SETD1B: variants seen among roughly 807,000 people sequenced by gnomAD.
SETD1B encodes the protein SET domain containing 1B, histone lysine methyltransferase.
A neutral mutation model predicts 148.0 loss-of-function variants in SETD1B; 7 were observed. That is an observed-to-expected ratio of 0.05 (90% CI 0.03 to 0.09). The LOEUF is 0.09. SETD1B is among the 10% of genes least tolerant of loss of function. The pLI, the probability that SETD1B is intolerant of heterozygous loss-of-function variation, is 1.00. For synonymous variants in SETD1B, 1,361 were observed against 1,186.5 expected (o/e 1.15, Z -3.02); for missense variants, 2,155 against 2,729.9 (o/e 0.79, Z 4.69).
rs781774369 is a variant in SETD1B at position 121,822,635 on chromosome 12, G to A, written c.4056G>A (p.Pro1352=). ...TTDASHPSVP[P]EPLAEDHPPH... ...ATGCCTCACACCCATCTGTCCCTCC[G>A]GAGCCCCTTGCCGAGGACCACCCCC... The change falls in exon 12 of 17, where the codon CCG becomes CCA. Residue 1352 remains proline, a synonymous_variant. Transcript: ENST00000604567. 15 of 1,551,046 alleles carry A rather than the reference G, an allele frequency of 9.7e-6. No homozygotes were observed. Among genetic ancestry groups the A allele is most frequent in the Admixed American group, 3.9e-5 (2 of 50,956 alleles).
At chr12:121,825,936 T>C (rs1393815420) in intron 13 of SETD1B, among the ~76,000 whole-genome samples, 1 of 152,158 alleles carries the variant, frequency 6.6e-6, no homozygotes, top group Non-Finnish European at 1.5e-5. Context: ...ATAAGCCACA[T>C]CGCATGGCCT....
At chr12:121,793,907 T>G in the SETD1B span, 1 of 327,670 alleles carries the variant, frequency 3.1e-6, no homozygotes. Context: ...ACCGCCACCC[T>G]CCGCGCGTCA....
rs1419969705 is a variant in SETD1B, at chr12:121,827,542, C to T, written c.5361C>T (p.Pro1787=). The T allele has an allele frequency of 6.5e-7, 1 of 1,545,808 alleles. No individual in the cohort carries two copies. The highest frequency in any genetic ancestry group is 2.4e-5 in the East Asian group (1 of 40,904). The part of the protein sequence containing the change: ...DTQGMSIPAQ[P]HASTRAGSER... Reference sequence around the variant, plus strand: ...AGGGCATGAGCATCCCAGCACAGCCCCACGCCTCCACCCGGGCAGGCTCGG... The same window carrying T: ...AGGGCATGAGCATCCCAGCACAGCCTCACGCCTCCACCCGGGCAGGCTCGG... Residue 1787 remains proline (P), a synonymous_variant, in exon 14 of 17, where the codon CCC becomes CCT. Transcript: ENST00000604567.
chr12:121,824,374 C>T (rs1007827513), intron 12 of SETD1B, among the ~76,000 whole-genome samples: 1 of 152,204 alleles, frequency 6.6e-6, no homozygotes, highest in Non-Finnish European at 1.5e-5. Context: ...GTGCCGGGCA[C>T]CATGGCTCAC....
At chr12:121,797,029 C>CAAAA in the SETD1B span, among the ~76,000 whole-genome samples, 2 of 98,184 alleles carry the variant, frequency 2.0e-5, no homozygotes, top group Non-Finnish European at 4.3e-5. Context: ...AACTCTGTCT[C>CAAAA]AAAAAAAAAA....
chr12:121,830,455 CT>C lies in SETD1B; in HGVS notation c.*217del. The C allele has an allele frequency of 4.0e-6, 2 of 497,888 alleles. No individual in the cohort carries two copies. Among genetic ancestry groups the C allele is most frequent in the Non-Finnish European group, 7.2e-6 (2 of 279,158 alleles). 30.8% of individuals were successfully genotyped at this position (497,888 alleles called of 1,614,324 possible). ...GGCTTCTCTGTCGTTCAGCCCACGT[CT>C]CTCTCATTTTAACAAACGCCCCTTT... On this transcript the variant is annotated 3_prime_UTR_variant, in exon 17 of 17. Transcript: ENST00000604567. The surrounding 1 kb of genome is among the most constrained non-coding windows in gnomAD (Gnocchi z 5.7).
chr12:121,814,185 C>G lies in SETD1B; in HGVS notation c.1970C>G (p.Pro657Arg). The change falls in exon 7 of 17, where the codon CCC becomes CGC. Residue 657 changes from proline to arginine, a missense_variant. Pro to Arg is a moderately radical substitution (Grantham distance 103, BLOSUM62 -2). Around this residue, in one of 11 missense-constraint regions of SETD1B, gnomAD observed 295 missense variants for 303.8 expected, o/e 0.97. Coordinates refer to ENST00000604567, the MANE Select transcript of SETD1B (RefSeq NM_001353345.2). ...PSAPITSADCPKPMVVTPGAA... is the reference protein window; with the variant it reads ...PSAPITSADCRKPMVVTPGAA... The stretch of plus-strand genomic sequence containing the variant: ...GCCCCCATCACCAGCGCTGACTGCC[C>G]CAAGCCCATGGTGGTGACCCCAGGA... The G allele has an allele frequency of 6.5e-7, 1 of 1,547,118 alleles. No individual in the cohort carries two copies. The highest frequency in any genetic ancestry group is 1.2e-5 in the South Asian group (1 of 83,932).
chr12:121,793,627 C>G, the SETD1B span: 1 of 1,540,396 alleles, frequency 6.5e-7, no homozygotes, highest in African/African-American at 1.4e-5. Context: ...GCCCCGGGGG[C>G]ATCCATTGCC....
Position 121,814,207 on chromosome 12 carries a change from A to G in SETD1B, c.1992A>G (p.Pro664=), listed in dbSNP as rs1262876455. 6.7e-7 allele frequency: 1 copy of G among 1,495,848 alleles called. No individual in the cohort carries two copies. Among genetic ancestry groups the G allele is most frequent in the Non-Finnish European group, 8.9e-7 (1 of 1,127,654 alleles). The allele number at this position is 1,495,848 out of a possible 1,614,324, so 92.7% of individuals were successfully genotyped here. ...GCCCCAAGCCCATGGTGGTGACCCC[A>G]GGAGCGGCAGCCGTGGCAGCCCCTT... ...ADCPKPMVVT[P]GAAAVAAPSV... Residue 664 remains proline (P), a synonymous_variant, in exon 7 of 17, where the codon CCA becomes CCG. Coordinates refer to ENST00000604567, the MANE Select transcript of SETD1B (RefSeq NM_001353345.2).
intron 12 of SETD1B, among the ~76,000 whole-genome samples, chr12:121,824,657 A>AAAAAAAAAC (rs1876754118): frequency 6.6e-6 from 1 of 150,910 alleles, no homozygotes. Flanking sequence ...AAAAAAAAAA[A>AAAAAAAAAC]AAAACTCTGC....
In SETD1B at chr12:121,822,885, T is replaced by G; in HGVS notation, c.4306T>G (p.Phe1436Val). ...PGRDFSFTPT[F>V]SEPSGPLLLP... ...CCGGGACTTCAGCTTCACACCCACC[T>G]TCTCCGAGCCCAGCGGGCCCTTGCT... The change falls in exon 12 of 17, where the codon TTC becomes GTC. Residue 1436 changes from phenylalanine (F) to valine (V), a missense_variant. By Grantham distance (50) the Phe-to-Val change is conservative (BLOSUM62 -1). Transcript: ENST00000604567. 1.3e-6 allele frequency: 2 copies of G among 1,489,876 alleles called. No individual in the cohort carries two copies. Among genetic ancestry groups the G allele is most frequent in the Non-Finnish European group, 9.0e-7 (1 of 1,114,350 alleles). 92.3% of individuals were successfully genotyped at this position (1,489,876 alleles called of 1,614,324 possible).
rs748743867 is a variant in SETD1B, at chr12:121,827,806, C to A, written c.5541C>A (p.Ile1847=). ...GGGGCTTGTTCGCCATGGAGCCCAT[C>A]GCGGCTGACGAGATGGTCATCGAGT... ...HDWGLFAMEP[I]AADEMVIEYV... Residue 1847 remains isoleucine, a synonymous_variant, in exon 15 of 17, where the codon ATC becomes ATA. Coordinates refer to ENST00000604567, the MANE Select transcript of SETD1B (RefSeq NM_001353345.2). 9 of 1,559,204 alleles carry A rather than the reference C, an allele frequency of 5.8e-6. No individual in the cohort carries two copies. The highest frequency in any genetic ancestry group is 7.8e-6 in the Non-Finnish European group (9 of 1,150,770).
rs769557146 is a variant in SETD1B at position 121,810,813 on chromosome 12, C to G, written c.1868C>G (p.Pro623Arg). 6.6e-7 allele frequency: 1 copy of G among 1,518,668 alleles called. No homozygotes were observed. Among genetic ancestry groups the G allele is most frequent in the Non-Finnish European group, 8.9e-7 (1 of 1,126,876 alleles). 94.1% of individuals were successfully genotyped at this position (1,518,668 alleles called of 1,614,324 possible). A position where few individuals can be genotyped will look rare whatever the true frequency, so the allele number is the denominator to read the frequency against. Reference sequence around the variant, plus strand: ...TTGGACCTGGTTGGAGACAGAACCCCGACCTCAGAGAAGATGGATGAGGTA... The same window carrying G: ...TTGGACCTGGTTGGAGACAGAACCCGGACCTCAGAGAAGATGGATGAGGTA... The part of the protein sequence containing the change: ...VALDLVGDRT[P>R]TSEKMDEGQQ... Residue 623 changes from proline to arginine, a missense_variant, in exon 6 of 17, where the codon CCG becomes CGG. Transcript: ENST00000604567. This position sits in a 1 kb window ranked among gnomAD's most constrained non-coding sequence, Gnocchi z 7.6.
chr12:121,812,430 AGCACAGGACCTCAGCTTAAGTGAGGTGCC>A (rs66504407), intron 6 of SETD1B, among the ~76,000 whole-genome samples: 4,005 of 152,230 alleles, frequency 0.026, 179 homozygotes, highest in African/African-American at 0.091. Context: ...GAGTCCCTGC[AGCACAGGACCTCAGCTTAAGTGAGGTGCC>A]GCACAGGATG....
chr12:121,812,131 G>A (rs1311512590), intron 6 of SETD1B, among the ~76,000 whole-genome samples: 1 of 152,172 alleles, frequency 6.6e-6, no homozygotes, highest in Non-Finnish European at 1.5e-5. Flanking sequence ...GGAAGCTCCG[G>A]GCCGGCCCGC....
In SETD1B at chr12:121,805,774, G is replaced by C. The variant is rs1479809490; in HGVS notation, c.274-61G>C. 1.4e-6 allele frequency: 2 copies of C among 1,477,352 alleles called. No homozygotes were observed. The highest frequency in any genetic ancestry group is 2.5e-5 in the East Asian group (1 of 39,892). The allele number at this position is 1,477,352 out of a possible 1,614,324, so 91.5% of individuals were successfully genotyped here. On this transcript the variant is annotated intron_variant, in intron 3 of 16. Transcript: ENST00000604567. The surrounding 1 kb of genome is among the most constrained non-coding windows in gnomAD (Gnocchi z 4.2). ...GAGTTGCGGGCGGGGCGGGGGGGATGTTGTGTTTTCCCTTAGGTTTAAACG... is the reference window on the plus strand; with the variant it reads ...GAGTTGCGGGCGGGGCGGGGGGGATCTTGTGTTTTCCCTTAGGTTTAAACG...
At chr12:121,792,510 C>T in the SETD1B span, among the ~76,000 whole-genome samples, 1 of 152,248 alleles carries the variant, frequency 6.6e-6, no homozygotes, top group Non-Finnish European at 1.5e-5. Context: ...TGCTCTGTTC[C>T]TTCCTCAGTT....
At position 121,830,373 on chromosome 12, in the gene SETD1B, G is replaced by GT; in HGVS notation, c.*134_*135insT. On this transcript the variant is annotated 3_prime_UTR_variant, in exon 17 of 17. Coordinates refer to ENST00000604567, the MANE Select transcript of SETD1B (RefSeq NM_001353345.2). This position sits in a 1 kb window ranked among gnomAD's most constrained non-coding sequence, Gnocchi z 5.7. The stretch of plus-strand genomic sequence containing the variant: ...GTCCTCTACCCAGCGGCCATTCAGG[G>GT]CCTGGCGCCCCACACTACCCCCTGG... 1 of 836,002 alleles carries GT rather than the reference G, an allele frequency of 1.2e-6. No homozygotes were observed. The highest frequency in any genetic ancestry group is 1.8e-6 in the Non-Finnish European group (1 of 556,836). The allele number at this position is 836,002 out of a possible 1,614,324, so 51.8% of individuals were successfully genotyped here.
Position 121,805,105 on chromosome 12 carries a change from T to C in SETD1B, c.175-13T>C, listed in dbSNP as rs529051453. ...CAGTTCTCTCATCCCGGCCCCCCAA[T>C]TTCTCCCCACAGATGTCCAGCAACC... On this transcript the variant is annotated splice_polypyrimidine_tract_variant and intron_variant, in intron 2 of 16. Transcript: ENST00000604567. The surrounding 1 kb of genome is among the most constrained non-coding windows in gnomAD (Gnocchi z 4.2). The C allele has an allele frequency of 3.2e-6, 5 of 1,550,754 alleles. No individual in the cohort carries two copies. In the African/African-American group the frequency reaches 6.8e-5, roughly 21 times the overall value.
Sources: allele counts gnomAD v4.1 joint callset (sites outside exome capture counted in the v4.1 genomes callset), GRCh38; gene constraint gnomAD v4.1.1; regional missense constraint gnomAD v4.1.1; non-coding constraint Gnocchi (gnomAD v3.1); transcripts MANE v1.5; gene names NCBI Gene and HGNC (gene_info 2026-07-23, HGNC 2026-07-21).